Variants in SERINC5 observed in about 807,000 individuals in gnomAD.
SERINC5 encodes the protein chromosome 5 open reading frame 12.
SERINC5 carries 41 observed loss-of-function variants against 63.1 expected under a neutral mutation model. The observed-to-expected ratio is 0.65, with a 90% CI of 0.51 to 0.84. The LOEUF (loss-of-function observed/expected upper bound fraction) is 0.84. Ranked by LOEUF, SERINC5 falls within the 40% of genes least tolerant of loss-of-function variation. SERINC5 has a pLI of 0.00. For synonymous variants in SERINC5, 222 were observed against 215.2 expected, an observed-to-expected ratio of 1.03 and a Z score of -0.28; for missense variants, 523 against 573.0, an observed-to-expected ratio of 0.91 and a Z score of 0.89.
intron 5 of SERINC5, among the ~76,000 whole-genome samples, chr5:80,174,369 AAATAATAATAATAATAAT>A (rs55865818): frequency 3.8e-5 from 5 of 131,718 alleles, no homozygotes; most frequent in Non-Finnish European, 7.9e-5. Context: ...CCCATCTCAA[AAATAATAATAATAATAAT>A]AATAATAATA....
chr5:80,143,530 T>G lies in SERINC5; in HGVS notation c.*133A>C. The G allele has an allele frequency of 7.3e-7, 1 of 1,369,690 alleles. No individual in the cohort carries two copies. The highest frequency in any genetic ancestry group is 9.4e-7 in the Non-Finnish European group (1 of 1,064,030). 84.8% of individuals were successfully genotyped at this position (1,369,690 alleles called of 1,614,324 possible). A position where few individuals can be genotyped will look rare whatever the true frequency, so the allele number is the denominator to read the frequency against. On this transcript the variant is annotated 3_prime_UTR_variant, in exon 12 of 12. Transcript: ENST00000507668. The stretch of plus-strand genomic sequence containing the variant: ...AAAGTAAAAAGCTAATCAGGAGATT[T>G]TTTTTTTTCTCTCTCAAAGCTTTTT...
intron 8 of SERINC5, among the ~76,000 whole-genome samples, chr5:80,153,818 AAAAAG>A (rs1005503204): frequency 6.6e-6 from 1 of 152,062 alleles, no homozygotes; most frequent in African/African-American, 2.4e-5. Context: ...CAAAAAAAAA[AAAAAG>A]AAAAGCCGTG....
At chr5:80,226,127 C>A (rs1419315599) in intron 1 of SERINC5, among the ~76,000 whole-genome samples, 1 of 152,040 alleles carries the variant, frequency 6.6e-6, no homozygotes, top group Non-Finnish European at 1.5e-5. Flanking sequence ...AGCACGATCT[C>A]AGCTCACTGC....
intron 3 of SERINC5, 124 bp from the exon 4 acceptor site, chr5:80,177,521 T>G: frequency 2.6e-6 from 2 of 761,514 alleles, no homozygotes; most frequent in Non-Finnish European, 4.4e-6. Context: ...TCTCTCCTAA[T>G]CAAGGGGAAG....
chr5:80,251,586 CAGA>C (rs1752424369), intron 1 of SERINC5, among the ~76,000 whole-genome samples: 1 of 151,978 alleles, frequency 6.6e-6, no homozygotes, highest in African/African-American at 2.4e-5. Context: ...AAAAATTAGC[CAGA>C]TGTAGTGGCA....
intron 2 of SERINC5, among the ~76,000 whole-genome samples, chr5:80,197,510 A>C (rs1251830427): frequency 6.6e-6 from 1 of 152,004 alleles, no homozygotes. Flanking sequence ...TGGAGAGTGT[A>C]ATGTGGAATG....
At chr5:80,243,899 T>G (rs971982939) in intron 1 of SERINC5, among the ~76,000 whole-genome samples, 1 of 151,906 alleles carries the variant, frequency 6.6e-6, no homozygotes, top group Non-Finnish European at 1.5e-5. Context: ...CAAACTTTCA[T>G]AGAAAAAGTA....
chr5:80,121,034 T>C (rs965326417), intron 11 of SERINC5, among the ~76,000 whole-genome samples: 1 of 151,968 alleles, frequency 6.6e-6, no homozygotes, highest in Non-Finnish European at 1.5e-5. Context: ...ACTATAGGCA[T>C]GTGCCACCAC....
intron 1 of SERINC5, among the ~76,000 whole-genome samples, chr5:80,237,736 A>C (rs1457503485): frequency 1.3e-5 from 2 of 151,910 alleles, no homozygotes; most frequent in African/African-American, 4.8e-5. Context: ...GGGTCCAGCT[A>C]TCTGCCACAC....
intron 1 of SERINC5, among the ~76,000 whole-genome samples, chr5:80,236,397 C>T (rs943320103): frequency 2.6e-5 from 4 of 152,074 alleles, no homozygotes; most frequent in Admixed American, 1.3e-4. Flanking sequence ...TCAGCTACAC[C>T]GCCTCTGAAC....
At chr5:80,196,854 C>T (rs190475702) in intron 2 of SERINC5, among the ~76,000 whole-genome samples, 168 of 151,832 alleles carry the variant, frequency 1.1e-3, no homozygotes, top group African/African-American at 3.8e-3. Context: ...GAAGGAGAAT[C>T]GCTTGAACCT....
intron 5 of SERINC5, among the ~76,000 whole-genome samples, chr5:80,173,333 C>T (rs917661221): frequency 6.6e-6 from 1 of 152,048 alleles, no homozygotes; most frequent in Non-Finnish European, 1.5e-5. Context: ...CAGTGGCTCA[C>T]GCCTGTAATC....
intron 5 of SERINC5, among the ~76,000 whole-genome samples, chr5:80,172,432 A>G (rs1189040284): frequency 2.0e-5 from 3 of 152,250 alleles, no homozygotes; most frequent in Non-Finnish European, 4.4e-5. Flanking sequence ...CCTTATGATT[A>G]AATTGCTCTT....
chr5:80,136,997 C>A (rs545813206), downstream of SERINC5, among the ~76,000 whole-genome samples: 1 of 151,920 alleles, frequency 6.6e-6, no homozygotes, highest in East Asian at 2.0e-4. Context: ...ATTAGCCAGG[C>A]ATTGTGACAT....
chr5:80,148,253 C>T (rs1178520832), intron 9 of SERINC5, among the ~76,000 whole-genome samples: 5 of 141,702 alleles, frequency 3.5e-5, no homozygotes, highest in African/African-American at 1.1e-4. Flanking sequence ...TGCAATGGCA[C>T]GATCTCGGCT....
intron 1 of SERINC5, among the ~76,000 whole-genome samples, chr5:80,215,252 AGTGTGGGATATCT>A (rs1355591840): frequency 6.6e-6 from 1 of 152,044 alleles, no homozygotes; most frequent in East Asian, 1.9e-4. Flanking sequence ...GGTCATCTGA[AGTGTGGGATATCT>A]CCCACTCTCT....
At chr5:80,134,389 C>G (rs964690884), downstream of SERINC5, among the ~76,000 whole-genome samples, 3 of 151,986 alleles carry the variant, frequency 2.0e-5, no homozygotes, top group Non-Finnish European at 2.9e-5. Context: ...AGGAGGCTGA[C>G]GCAGGAGAAT....
chr5:80,236,979 T>A (rs1006060010), intron 1 of SERINC5, among the ~76,000 whole-genome samples: 1 of 151,900 alleles, frequency 6.6e-6, no homozygotes, highest in South Asian at 2.1e-4. Flanking sequence ...CCTCCCGCCA[T>A]CATGCCGGGC....
intron 2 of SERINC5, among the ~76,000 whole-genome samples, chr5:80,191,352 T>A (rs1269780411): frequency 6.6e-6 from 1 of 151,746 alleles, no homozygotes; most frequent in Admixed American, 6.6e-5. Flanking sequence ...TATAAAAAGA[T>A]GACTGGCTGG....
Sources: gnomAD v4.1 joint callset for allele counts (sites outside exome capture counted in the v4.1 genomes callset) on GRCh38, gnomAD v4.1.1 for gene constraint, MANE v1.5 for transcripts, NCBI Gene and HGNC (gene_info 2026-07-23, HGNC 2026-07-21) for gene names.